Variants in CARM1 observed in about 807,000 individuals in gnomAD.
CARM1 encodes the protein coactivator associated arginine methyltransferase 1, also known as histone-arginine methyltransferase CARM1.
Under a neutral mutation model 72.7 loss-of-function variants are expected in CARM1, and 14 were observed. The observed-to-expected ratio is 0.19, with a 90% CI of 0.13 to 0.30. The LOEUF (loss-of-function observed/expected upper bound fraction) is 0.30, where lower values mean the gene tolerates loss of function less well. Ranked by LOEUF, CARM1 falls within the 10% of genes least tolerant of loss-of-function variation. CARM1 has a pLI of 1.00. For missense variants in CARM1, 432 were observed against 833.7 expected (o/e 0.52, Z 5.93); for synonymous variants, 333 against 345.5 (o/e 0.96, Z 0.40).
At chr19:10,921,316 G>A in intron 14 of CARM1, 59 bp from the exon 15 acceptor site, 1 of 1,582,966 alleles carries the variant, frequency 6.3e-7, no homozygotes, top group Non-Finnish European at 8.7e-7. Flanking sequence ...TGCATGGGCT[G>A]GGTGGCTGGG....
chr19:10,910,776 G>A (rs985482271), intron 4 of CARM1, among the ~76,000 whole-genome samples: 2 of 151,918 alleles, frequency 1.3e-5, no homozygotes, highest in African/African-American at 2.4e-5. Context: ...ATGTTGGCCA[G>A]GATGGTCTAG....
In CARM1 at chr19:10,896,740, CT is replaced by C. The variant is rs1244697359; in HGVS notation, c.221-8210del. Reference sequence around the variant, plus strand: ...ATCTGTCCCCAGTCTCCTTCCCAGGCTGGGTCAGGTGCCACCTCCAGGCACC... The same window carrying C: ...ATCTGTCCCCAGTCTCCTTCCCAGGCGGGTCAGGTGCCACCTCCAGGCACC... On this transcript the variant is annotated intron_variant, in intron 1 of 15. Coordinates refer to ENST00000327064, the MANE Select transcript of CARM1 (RefSeq NM_199141.2). This position sits in a 1 kb window ranked among gnomAD's most constrained non-coding sequence, Gnocchi z 5.2. Among the ~76,000 whole-genome samples the C allele has an allele frequency of 3.3e-5, 5 of 152,230 alleles. No homozygotes were observed. The highest frequency in any genetic ancestry group is 1.5e-5 in the Non-Finnish European group (1 of 68,048).
At position 10,875,431 on chromosome 19, in the gene CARM1, C is replaced by CT. The variant is rs907426054; in HGVS notation, c.220+3520dup. Reference sequence around the variant, plus strand: ...CCCACCTCAGCTGTTCTTTTCTTTTCTTTTTTTTTTTGAGACGGAGTCTGG... The same window carrying CT: ...CCCACCTCAGCTGTTCTTTTCTTTTCTTTTTTTTTTTTGAGACGGAGTCTGG... On this transcript the variant is annotated intron_variant, in intron 1 of 15. Transcript: ENST00000327064. Among the ~76,000 whole-genome samples, 385 of 145,412 alleles carry CT rather than the reference C, an allele frequency of 2.6e-3. 1 individual carries two copies. The highest frequency in any genetic ancestry group is 7.1e-3 in the Middle Eastern group (2 of 282).
chr19:10,895,793 G>A (rs991869799), intron 1 of CARM1, among the ~76,000 whole-genome samples: 8 of 152,160 alleles, frequency 5.3e-5, no homozygotes, highest in Admixed American at 2.0e-4. Flanking sequence ...CTGGATCTGC[G>A]CTTTGTGGGG....
intron 1 of CARM1, among the ~76,000 whole-genome samples, chr19:10,890,768 C>CAG (rs1286679148): frequency 2.9e-5 from 1 of 34,440 alleles, no homozygotes; most frequent in Non-Finnish European, 7.7e-5. Context: ...CACATATACA[C>CAG]ACACACATAT....
chr19:10,871,712 G>A lies in CARM1; in HGVS notation c.10G>A (p.Ala4Thr). 1.1e-6 allele frequency: 1 copy of A among 900,756 alleles called. No individual in the cohort carries two copies. Among genetic ancestry groups the A allele is most frequent in the South Asian group, 4.9e-5 (1 of 20,376 alleles). The allele number at this position is 900,756 out of a possible 1,614,324, so 55.8% of individuals were successfully genotyped here. A position where few individuals can be genotyped will look rare whatever the true frequency, so the allele number is the denominator to read the frequency against. The part of the protein sequence containing the change: MAA[A>T]AAAVGPGAGG... ...TGGAGCCGGATCTAAGATGGCAGCG[G>A]CGGCGGCGGCGGTGGGGCCGGGCGC... is the stretch of plus-strand genomic sequence containing the variant. Residue 4 changes from alanine (A) to threonine (T), a missense_variant, in exon 1 of 16, where the codon GCG (alanine) becomes ACG (threonine). Physicochemically the swap from Ala to Thr is moderately conservative, Grantham distance 58 (BLOSUM62 0). Transcript: ENST00000327064. The surrounding 1 kb of genome is among the most constrained non-coding windows in gnomAD (Gnocchi z 5.6).
intron 1 of CARM1, among the ~76,000 whole-genome samples, chr19:10,877,720 C>T (rs370290199): frequency 2.6e-5 from 4 of 151,358 alleles, no homozygotes; most frequent in Admixed American, 6.6e-5. Context: ...CCGCACCCAG[C>T]CTGTGTTTTA....
At chr19:10,893,238 T>C (rs531746537) in intron 1 of CARM1, among the ~76,000 whole-genome samples, 55 of 152,036 alleles carry the variant, frequency 3.6e-4, no homozygotes, top group Non-Finnish European at 5.4e-4. Flanking sequence ...GGTTTCACCA[T>C]GTTGGCCAGG....
rs781109258 is a variant in CARM1 at position 10,921,461 on chromosome 19, G to A, written c.1684+18G>A. 2.5e-6 allele frequency: 4 copies of A among 1,596,298 alleles called. No homozygotes were observed. The East Asian group carries it at 6.7e-5, about 27-fold the overall frequency. On this transcript the variant is annotated intron_variant, in intron 15 of 15. Coordinates refer to ENST00000327064, the MANE Select transcript of CARM1 (RefSeq NM_199141.2). ...TGTCCAAGGTAACGAGGGTGGCGGG[G>A]GCAGGGCCCGTGGGGGCCGAGCTAG...
intron 1 of CARM1, among the ~76,000 whole-genome samples, chr19:10,900,204 C>T (rs894145509): frequency 6.6e-6 from 1 of 152,164 alleles, no homozygotes; most frequent in South Asian, 2.1e-4. Context: ...TCCAGCTACC[C>T]GGGAGGCTGA....
rs2073925352 is a variant in CARM1, at chr19:10,884,377, C to CT, written c.220+12456dup. Among the ~76,000 whole-genome samples the CT allele has an allele frequency of 2.0e-5, 3 of 151,546 alleles. 1 individual carries two copies. In the South Asian group the frequency reaches 6.3e-4, roughly 32 times the overall value. ...AAAAACAAAAAGACATAGAGATGGG[C>CT]TCTCTAGTATGTTGTCCAGGCCGGT... is the stretch of plus-strand genomic sequence containing the variant. On this transcript the variant is annotated intron_variant, in intron 1 of 15. Transcript: ENST00000327064.
chr19:10,905,205 A>T, intron 2 of CARM1, 129 bp downstream of exon 2: 1 of 1,097,418 alleles, frequency 9.1e-7, no homozygotes. Flanking sequence ...CCTCAAAACC[A>T]CATTCCCACA....
At chr19:10,892,458 G>A (rs1034226080) in intron 1 of CARM1, among the ~76,000 whole-genome samples, 1 of 152,212 alleles carries the variant, frequency 6.6e-6, no homozygotes, top group Non-Finnish European at 1.5e-5. Flanking sequence ...TCAGATACCC[G>A]GGGCTGGGCA....
At chr19:10,872,540 C>G (rs889971990) in intron 1 of CARM1, among the ~76,000 whole-genome samples, 1 of 152,136 alleles carries the variant, frequency 6.6e-6, no homozygotes, top group Admixed American at 6.5e-5. Flanking sequence ...GCAGGGTGAG[C>G]TCCTCGTGGA....
intron 15 of CARM1, 45 bp from the exon 16 acceptor site, chr19:10,921,570 T>C: frequency 5.7e-6 from 9 of 1,583,360 alleles, no homozygotes; most frequent in Non-Finnish European, 7.7e-6. Context: ...GCCTGGGGGC[T>C]GGGCGGGCCA....
rs764423866 is a variant in CARM1 at position 10,920,257 on chromosome 19, A to G, written c.1197-179A>G. ...GTGGTTGCGGGCCCCTCGTGTGTAC[A>G]TGTATGCCTGCTCATGTTTGTGTCT... On this transcript the variant is annotated intron_variant, in intron 10 of 15. Transcript: ENST00000327064. The surrounding 1 kb of genome is among the most constrained non-coding windows in gnomAD (Gnocchi z 5.3). Among the ~76,000 whole-genome samples the G allele has an allele frequency of 6.6e-6, 1 of 151,788 alleles. No individual in the cohort carries two copies. The highest frequency in any genetic ancestry group is 2.4e-5 in the African/African-American group (1 of 41,274).
At chr19:10,887,927 C>T (rs527896309) in intron 1 of CARM1, among the ~76,000 whole-genome samples, 115 of 152,346 alleles carry the variant, frequency 7.5e-4, no homozygotes, top group Middle Eastern at 3.4e-3. Context: ...AGGCAGGCCC[C>T]AGCCCAGCTT....
At position 10,913,452 on chromosome 19, in the gene CARM1, C is replaced by T. The variant is rs2074169777; in HGVS notation, c.670-425C>T. Among the ~76,000 whole-genome samples, 2 of 151,544 alleles carry T rather than the reference C, an allele frequency of 1.3e-5. 1 individual carries two copies. Among genetic ancestry groups the T allele is most frequent in the Admixed American group, 1.3e-4 (2 of 15,226 alleles). ...ACTCGGGAGGCTGAGGTGGGAGAAT[C>T]GCTAGAACCCGGGAGGCAGAGGTTG... On this transcript the variant is annotated intron_variant, in intron 5 of 15. Coordinates refer to ENST00000327064, the MANE Select transcript of CARM1 (RefSeq NM_199141.2).
intron 2 of CARM1, among the ~76,000 whole-genome samples, chr19:10,906,469 T>C (rs2074104874): frequency 6.6e-6 from 1 of 152,226 alleles, no homozygotes; most frequent in South Asian, 2.1e-4. Flanking sequence ...TTTTCATTGT[T>C]TTTGAGACGG....
Sources: allele counts gnomAD v4.1 joint callset (sites outside exome capture counted in the v4.1 genomes callset), GRCh38; gene constraint gnomAD v4.1.1; non-coding constraint Gnocchi (gnomAD v3.1); transcripts MANE v1.5; gene names NCBI Gene and HGNC (gene_info 2026-07-23, HGNC 2026-07-21).